Variants in PTBP3 observed in about 807,000 individuals in gnomAD.
PTBP3 encodes polypyrimidine tract-binding protein 3.
A neutral mutation model predicts 58.7 loss-of-function variants in PTBP3; 20 were observed. The ratio of observed to expected loss-of-function variants is 0.34; its 90% CI spans 0.24 to 0.50. The LOEUF is 0.50. Among genes scored for constraint, PTBP3 ranks in the 20% least tolerant of loss-of-function variants. The pLI is 0.98. For synonymous variants in PTBP3, 185 were observed against 219.8 expected, an observed-to-expected ratio of 0.84 and a Z score of 1.40; for missense variants, 509 against 637.2, an observed-to-expected ratio of 0.80 and a Z score of 2.17.
intron 1 of PTBP3, among the ~76,000 whole-genome samples, chr9:112,332,603 C>A (rs1464927424): frequency 6.6e-6 from 1 of 152,080 alleles, no homozygotes; most frequent in East Asian, 1.9e-4. Flanking sequence ...CACCAAAATC[C>A]TAACATAGTT....
intron 1 of PTBP3, among the ~76,000 whole-genome samples, chr9:112,316,591 T>C (rs1012677972): frequency 6.6e-6 from 1 of 152,202 alleles, no homozygotes; most frequent in African/African-American, 2.4e-5. Flanking sequence ...ACACAGACAC[T>C]GGCAGATAAC....
intron 5 of PTBP3, among the ~76,000 whole-genome samples, chr9:112,254,772 A>C (rs181211936): frequency 9.8e-4 from 149 of 152,344 alleles, no homozygotes; most frequent in African/African-American, 3.3e-3. Context: ...CTGTTGGTAG[A>C]AATGTAAAAT....
chr9:112,240,258 T>A (rs1835602859), intron 7 of PTBP3, among the ~76,000 whole-genome samples: 1 of 152,190 alleles, frequency 6.6e-6, no homozygotes, highest in Non-Finnish European at 1.5e-5. Flanking sequence ...TTATATAGAA[T>A]ACAATGTACA....
chr9:112,359,168 G>A, the PTBP3 span, among the ~76,000 whole-genome samples: 1 of 151,838 alleles, frequency 6.6e-6, no homozygotes, highest in Non-Finnish European at 1.5e-5. Flanking sequence ...TAGGCTGGGC[G>A]CGGTGGCTCA....
Position 112,297,820 on chromosome 9 carries a change from A to AC in PTBP3, c.34+11_34+12insG, listed in dbSNP as rs34861385. 0.44 allele frequency: 658,359 copies of AC among 1,489,656 alleles called. 136,971 individuals are homozygous for AC. Among genetic ancestry groups the AC allele is most frequent in the African/African-American group, 0.56 (38,902 of 69,046 alleles). The allele number at this position is 1,489,656 out of a possible 1,614,324, so 92.3% of individuals were successfully genotyped here. A position where few individuals can be genotyped will look rare whatever the true frequency, so the allele number is the denominator to read the frequency against. ...ACAGAAATCAAATATTAAAAAAAAAAAAAAAACTCACCATACACACCTGTA... is the reference window on the plus strand; with the variant it reads ...ACAGAAATCAAATATTAAAAAAAAAACAAAAAACTCACCATACACACCTGTA... On this transcript the variant is annotated intron_variant, in intron 2 of 13. Transcript: ENST00000374257.
chr9:112,224,022 G>A, intron 13 of PTBP3, 39 bp from the exon 14 acceptor site: 1 of 1,593,484 alleles, frequency 6.3e-7, no homozygotes, highest in Non-Finnish European at 8.6e-7. Context: ...TATTTAGAAT[G>A]AATTTTGCTT....
At position 112,326,276 on chromosome 9, in the gene PTBP3, A is replaced by G. The variant is rs187303971; in HGVS notation, c.-52+7194T>C. On this transcript the variant is annotated intron_variant, in intron 1 of 13. Coordinates refer to ENST00000374257, the MANE Select transcript of PTBP3 (RefSeq NM_001163788.4). ...GCAGCAAATGCCTTCTACATTTCCT[A>G]TAGCTCAAGCACAGCAGCAGGCAAA... Among the ~76,000 whole-genome samples the G allele has an allele frequency of 1.3e-4, 20 of 152,346 alleles. No individual in the cohort carries two copies. In the East Asian group the frequency reaches 3.3e-3, roughly 25 times the overall value.
rs539730256 is a variant in PTBP3 at position 112,304,455 on chromosome 9, G to A, written c.-51-6539C>T. On this transcript the variant is annotated intron_variant, in intron 1 of 13. Coordinates refer to ENST00000374257, the MANE Select transcript of PTBP3 (RefSeq NM_001163788.4). ...AAATGGCTGGATCATATTTCATTTTGATAAATCATTCATCTTAATATGAAT... is the reference window on the plus strand; with the variant it reads ...AAATGGCTGGATCATATTTCATTTTAATAAATCATTCATCTTAATATGAAT... 5.3e-5 allele frequency among the ~76,000 whole-genome samples: 8 copies of A among 152,274 alleles called. No individual in the cohort carries two copies. In the East Asian group the frequency reaches 1.5e-3, roughly 29 times the overall value.
upstream of PTBP3, among the ~76,000 whole-genome samples, chr9:112,338,572 G>A (rs1830594434): frequency 6.6e-6 from 1 of 152,198 alleles, no homozygotes; most frequent in East Asian, 1.9e-4. Context: ...AACATCAAAG[G>A]CTTAAGCAAA....
upstream of PTBP3, among the ~76,000 whole-genome samples, chr9:112,334,121 C>A (rs1012021789): frequency 6.6e-6 from 1 of 151,776 alleles, no homozygotes; most frequent in African/African-American, 2.4e-5. Context: ...GTAGATGACA[C>A]GTCCAGGGAC....
At chr9:112,244,289 C>CAAAAAAAAAAAAAA (rs56052359) in intron 7 of PTBP3, among the ~76,000 whole-genome samples, 7,413 of 35,738 alleles carry the variant, frequency 0.21, 2,150 homozygotes, top group Non-Finnish European at 0.28. Flanking sequence ...GACTCTGTCT[C>CAAAAAAAAAAAAAA]AAAAAAAAAA....
the PTBP3 span, among the ~76,000 whole-genome samples, chr9:112,353,726 C>A: frequency 1.3e-5 from 2 of 151,746 alleles, no homozygotes; most frequent in African/African-American, 4.8e-5. Flanking sequence ...GAGGCTGAGG[C>A]GGGCTGATCA....
At chr9:112,245,261 G>C (rs1327886700) in intron 7 of PTBP3, among the ~76,000 whole-genome samples, 2 of 152,210 alleles carry the variant, frequency 1.3e-5, no homozygotes, top group Non-Finnish European at 2.9e-5. Context: ...AGCGAGCCCA[G>C]ATTGTACCAC....
chr9:112,321,527 T>G (rs10759552), intron 1 of PTBP3, among the ~76,000 whole-genome samples: 1 of 146,752 alleles, frequency 6.8e-6, no homozygotes, highest in African/African-American at 2.5e-5. Flanking sequence ...AGACGTAGTC[T>G]GAAAAAAAAA....
At chr9:112,275,414 C>A in intron 3 of PTBP3, among the ~76,000 whole-genome samples, 1 of 152,094 alleles carries the variant, frequency 6.6e-6, no homozygotes. Flanking sequence ...GGATTACAGG[C>A]GTGAGCCACT....
chr9:112,333,774 G>A (rs990651755), upstream of PTBP3: 43 of 256,900 alleles, frequency 1.7e-4, no homozygotes, highest in Non-Finnish European at 1.2e-4. Flanking sequence ...CCCTCGCCCC[G>A]CTGGCAGCCG....
chr9:112,292,979 G>A (rs1366713378), intron 2 of PTBP3, among the ~76,000 whole-genome samples: 1 of 152,022 alleles, frequency 6.6e-6, no homozygotes, highest in African/African-American at 2.4e-5. Flanking sequence ...AATATTCATA[G>A]CAACACTACA....
the PTBP3 span, among the ~76,000 whole-genome samples, chr9:112,340,749 C>G: frequency 6.6e-6 from 1 of 152,018 alleles, no homozygotes; most frequent in African/African-American, 2.4e-5. Flanking sequence ...CGTAGTGGTG[C>G]ACGCCTGTAA....
At chr9:112,335,694 G>A (rs1329451993), upstream of PTBP3, among the ~76,000 whole-genome samples, 16 of 143,162 alleles carry the variant, frequency 1.1e-4, no homozygotes, top group Admixed American at 3.4e-4. Context: ...AGGCCGAGGC[G>A]GGCAGATCAC....
Sources: gnomAD v4.1 joint callset for allele counts (sites outside exome capture counted in the v4.1 genomes callset) on GRCh38, gnomAD v4.1.1 for gene constraint, MANE v1.5 for transcripts, NCBI Gene and HGNC (gene_info 2026-07-23, HGNC 2026-07-21) for gene names.